The following PHACTR2 variants were observed in gnomAD, a reference collection of about 807,000 sequenced individuals.
The protein encoded by PHACTR2 is phosphatase and actin regulator 2.
In PHACTR2, 30 loss-of-function variants were observed where a neutral mutation model predicts 76.0. That is an observed-to-expected ratio of 0.39 (90% CI 0.30 to 0.54). PHACTR2 has a LOEUF of 0.54. Among genes scored for constraint, PHACTR2 ranks in the 20% least tolerant of loss-of-function variants. PHACTR2 has a pLI of 0.61. For missense variants in PHACTR2, 696 were observed against 781.1 expected, an observed-to-expected ratio of 0.89 and a Z score of 1.30; for synonymous variants, 292 against 292.5, an observed-to-expected ratio of 1.00 and a Z score of 0.02.
rs971735458 is a variant in PHACTR2 at position 143,641,033 on chromosome 6, G to A, written c.13+32711G>A. Reference sequence around the variant, plus strand: ...AATGAATGAGAATGTATTTCTCATAGTTCTGGAGGTTGGTGGTCCACGATC... The same window carrying A: ...AATGAATGAGAATGTATTTCTCATAATTCTGGAGGTTGGTGGTCCACGATC... On this transcript the variant is annotated intron_variant, in intron 1 of 11. Coordinates refer to the PHACTR2 transcript ENST00000305766. This position sits in a 1 kb window ranked among gnomAD's most constrained non-coding sequence, Gnocchi z 5.8. Among the ~76,000 whole-genome samples the A allele has an allele frequency of 6.6e-6, 1 of 152,186 alleles. No homozygotes were observed. Among genetic ancestry groups the A allele is most frequent in the African/African-American group, 2.4e-5 (1 of 41,436 alleles).
intron 1 of PHACTR2, among the ~76,000 whole-genome samples, chr6:143,612,968 A>G (rs1020465395): frequency 6.6e-6 from 1 of 152,226 alleles, no homozygotes; most frequent in Non-Finnish European, 1.5e-5. Context: ...TCCAGGATTC[A>G]TGTAAATATA....
At chr6:143,620,510 G>C (rs1176409915) in intron 1 of PHACTR2, among the ~76,000 whole-genome samples, 1 of 151,184 alleles carries the variant, frequency 6.6e-6, no homozygotes, top group Non-Finnish European at 1.5e-5. Context: ...TACAAATATA[G>C]CTTGTTTCTC....
chr6:143,752,813 C>G (rs888929427), intron 3 of PHACTR2, among the ~76,000 whole-genome samples: 2 of 152,078 alleles, frequency 1.3e-5, no homozygotes, highest in African/African-American at 4.8e-5. Context: ...TTTGCTCAAA[C>G]CTTCCATTTG....
intron 2 of PHACTR2, among the ~76,000 whole-genome samples, chr6:143,713,092 T>C (rs73577999): frequency 0.022 from 3,288 of 152,246 alleles, 115 homozygotes; most frequent in African/African-American, 0.075. Flanking sequence ...ATGTACAGGG[T>C]CACAGAGCAT....
intron 2 of PHACTR2, among the ~76,000 whole-genome samples, chr6:143,747,671 T>A (rs1470698474): frequency 6.6e-6 from 1 of 152,200 alleles, no homozygotes; most frequent in Non-Finnish European, 1.5e-5. Flanking sequence ...TCTACCAGTG[T>A]AGCTTTCCTG....
intron 2 of PHACTR2, among the ~76,000 whole-genome samples, chr6:143,714,435 T>C (rs1778255891): frequency 6.6e-6 from 1 of 152,358 alleles, no homozygotes; most frequent in Admixed American, 6.5e-5. Context: ...ATTAATGCAT[T>C]GTAATAGCAT....
chr6:143,734,052 T>C (rs965665835), intron 2 of PHACTR2, among the ~76,000 whole-genome samples: 2 of 152,188 alleles, frequency 1.3e-5, no homozygotes, highest in African/African-American at 2.4e-5. Context: ...TTTTTATACA[T>C]AGGTGGATGG....
In PHACTR2 at chr6:143,658,429, A is replaced by G. The variant is rs879902473; in HGVS notation, c.13+50107A>G. ...TCTTTTTCCCAACAGATTTTTTTCA[A>G]TAAAGTACAACCATGCATTGCTTAA... On this transcript the variant is annotated intron_variant, in intron 1 of 11. Transcript: ENST00000305766. The surrounding 1 kb of genome is among the most constrained non-coding windows in gnomAD (Gnocchi z 4.1). Among the ~76,000 whole-genome samples, 3 of 152,168 alleles carry G rather than the reference A, an allele frequency of 2.0e-5. No individual in the cohort carries two copies. Among genetic ancestry groups the G allele is most frequent in the Admixed American group, 6.5e-5 (1 of 15,286 alleles).
chr6:143,792,477 C>G (rs537531269), intron 11 of PHACTR2, among the ~76,000 whole-genome samples: 104 of 152,164 alleles, frequency 6.8e-4, no homozygotes, highest in South Asian at 2.5e-3. Context: ...TGACCCTGCT[C>G]TAGTCACTGT....
rs1389106290 is a variant in PHACTR2 at position 143,753,639 on chromosome 6, A to G, written c.296-115A>G. The G allele has an allele frequency of 7.3e-6, 5 of 683,696 alleles. No homozygotes were observed. Among genetic ancestry groups the G allele is most frequent in the Middle Eastern group, 2.5e-4 (1 of 4,032 alleles). 42.4% of individuals were successfully genotyped at this position (683,696 alleles called of 1,614,324 possible). On this transcript the variant is annotated intron_variant, in intron 3 of 12. Coordinates refer to ENST00000440869, the MANE Select transcript of PHACTR2 (RefSeq NM_001100164.2). The surrounding 1 kb of genome is among the most constrained non-coding windows in gnomAD (Gnocchi z 4.6). ...AAACCGGTGAAACAGTGCAGGGTGT[A>G]TTTGGTTCCCAGGGACTGAAACATG...
chr6:143,621,776 T>G lies in PHACTR2; in HGVS notation c.13+13454T>G, dbSNP rs1037477574. On this transcript the variant is annotated intron_variant, in intron 1 of 11. Transcript: ENST00000305766. The surrounding 1 kb of genome is among the most constrained non-coding windows in gnomAD (Gnocchi z 4.1). ...ATGTAACATAGATTCATTTTGCACC[T>G]ACGTGGACTTTAAATCTTTGCGAAC... 3.3e-4 allele frequency among the ~76,000 whole-genome samples: 50 copies of G among 152,188 alleles called. No individual in the cohort carries two copies. Among genetic ancestry groups the G allele is most frequent in the Admixed American group, 3.1e-3 (48 of 15,276 alleles).
rs1332133366 is a variant in PHACTR2 at position 143,795,439 on chromosome 6, T to A, written c.1845+6529T>A. 6.6e-6 allele frequency among the ~76,000 whole-genome samples: 1 copy of A among 152,120 alleles called. No individual in the cohort carries two copies. Among genetic ancestry groups the A allele is most frequent in the African/African-American group, 2.4e-5 (1 of 41,420 alleles). On this transcript the variant is annotated intron_variant, in intron 11 of 12. Transcript: ENST00000440869. This position sits in a 1 kb window ranked among gnomAD's most constrained non-coding sequence, Gnocchi z 4.8. ...TAAAACAAAAATAAACAAAATAAAA[T>A]TTTCAGTTTTAGAATATATGTACTT...
At chr6:143,725,439 A>G (rs1778543545) in intron 2 of PHACTR2, among the ~76,000 whole-genome samples, 1 of 149,822 alleles carries the variant, frequency 6.7e-6, no homozygotes, top group Admixed American at 6.6e-5. Flanking sequence ...TGACCTCGTG[A>G]TCCGCCCACT....
Position 143,547,659 on chromosome 6 carries a change from G to T in PHACTR2, c.217+10452G>T, listed in dbSNP as rs1438904809. 6.6e-6 allele frequency among the ~76,000 whole-genome samples: 1 copy of T among 152,204 alleles called. No individual in the cohort carries two copies. Among genetic ancestry groups the T allele is most frequent in the East Asian group, 1.9e-4 (1 of 5,196 alleles). ...CAAAATGAACAAATTTCTATAGTTA[G>T]CAATAGAGACTCCCTTCTTCGAATG... is the stretch of plus-strand genomic sequence containing the variant. On this transcript the variant is annotated intron_variant, in intron 1 of 11. Transcript: ENST00000367584. This position sits in a 1 kb window ranked among gnomAD's most constrained non-coding sequence, Gnocchi z 4.2.
chr6:143,653,481 G>A lies in PHACTR2; in HGVS notation c.13+45159G>A, dbSNP rs1776798263. Among the ~76,000 whole-genome samples the A allele has an allele frequency of 6.6e-6, 1 of 152,058 alleles. No individual in the cohort carries two copies. Among genetic ancestry groups the A allele is most frequent in the South Asian group, 2.1e-4 (1 of 4,828 alleles). Reference sequence around the variant, plus strand: ...TAATGGCCTGAAAGAATTCATTGCAGCTTCCCACATGCAAAGTTTATTTTC... The same window carrying A: ...TAATGGCCTGAAAGAATTCATTGCAACTTCCCACATGCAAAGTTTATTTTC... On this transcript the variant is annotated intron_variant, in intron 1 of 11. Coordinates refer to the PHACTR2 transcript ENST00000305766. This position sits in a 1 kb window ranked among gnomAD's most constrained non-coding sequence, Gnocchi z 4.9.
intron 1 of PHACTR2, among the ~76,000 whole-genome samples, chr6:143,640,983 G>T (rs759853839): frequency 2.6e-5 from 4 of 152,186 alleles, no homozygotes; most frequent in South Asian, 2.1e-4. Context: ...TTCTGTAACA[G>T]AATATCTGAG....
intron 5 of PHACTR2, among the ~76,000 whole-genome samples, chr6:143,762,938 G>T (rs929771263): frequency 1.3e-5 from 2 of 152,164 alleles, no homozygotes; most frequent in East Asian, 3.9e-4. Context: ...TTTCAACAAA[G>T]ACCTGTTATT....
At chr6:143,785,813 C>T (rs1232672769) in intron 10 of PHACTR2, among the ~76,000 whole-genome samples, 1 of 152,244 alleles carries the variant, frequency 6.6e-6, no homozygotes, top group Non-Finnish European at 1.5e-5. Flanking sequence ...CTACATTTGC[C>T]CCTTTCAGCC....
At chr6:143,677,204 G>GTATA (rs146783145), upstream of PHACTR2, among the ~76,000 whole-genome samples, 3 of 151,134 alleles carry the variant, frequency 2.0e-5, no homozygotes, top group Non-Finnish European at 2.9e-5. Context: ...TCCATATACT[G>GTATA]TATATATATA....
Sources: gnomAD v4.1 joint callset for allele counts (sites outside exome capture counted in the v4.1 genomes callset) on GRCh38, gnomAD v4.1.1 for gene constraint, Gnocchi (gnomAD v3.1) non-coding constraint, MANE v1.5 for transcripts, NCBI Gene and HGNC (gene_info 2026-07-23, HGNC 2026-07-21) for gene names.